The following MAD1L1 variants were observed in gnomAD, a reference collection of about 807,000 sequenced individuals.
MAD1L1 encodes mitotic arrest deficient 1 like 1.
In MAD1L1, 95 loss-of-function variants were observed where a neutral mutation model predicts 96.9. The ratio of observed to expected loss-of-function variants is 0.98; its 90% CI spans 0.83 to 1.16. The LOEUF is 1.16. MAD1L1 is among the 50% of genes most tolerant of loss of function. The pLI is 0.00. For missense variants in MAD1L1, 1,007 were observed against 954.4 expected, an observed-to-expected ratio of 1.06 and a Z score of -0.73; for synonymous variants, 473 against 396.6, an observed-to-expected ratio of 1.19 and a Z score of -2.29.
chr7:2,082,987 G>A (rs1435389988), intron 11 of MAD1L1, among the ~76,000 whole-genome samples: 1 of 152,200 alleles, frequency 6.6e-6, no homozygotes, highest in African/African-American at 2.4e-5. Context: ...CTCTCGCGCT[G>A]CAGGGAGAGC....
intron 12 of MAD1L1, among the ~76,000 whole-genome samples, chr7:2,021,867 C>T (rs376526485): frequency 2.5e-4 from 38 of 152,226 alleles, no homozygotes; most frequent in African/African-American, 8.9e-4. Flanking sequence ...GGTGGATTCT[C>T]CAGAGAATCC....
At chr7:2,042,609 C>T (rs964028604) in intron 12 of MAD1L1, among the ~76,000 whole-genome samples, 3 of 152,094 alleles carry the variant, frequency 2.0e-5, no homozygotes, top group Non-Finnish European at 4.4e-5. Flanking sequence ...ATTATGAGGG[C>T]GGATCCCTCA....
chr7:1,872,997 G>C (rs1407331266), intron 18 of MAD1L1, among the ~76,000 whole-genome samples: 1 of 152,200 alleles, frequency 6.6e-6, no homozygotes, highest in African/African-American at 2.4e-5. Context: ...CCCACTTTGG[G>C]GACTTTATCC....
chr7:2,004,097 G>A (rs1781923241), intron 13 of MAD1L1, among the ~76,000 whole-genome samples: 1 of 152,180 alleles, frequency 6.6e-6, no homozygotes, highest in Admixed American at 6.5e-5. Context: ...GGAGGCAGCT[G>A]CAGTCCACAC....
At chr7:2,090,326 G>A (rs1467943503) in intron 11 of MAD1L1, among the ~76,000 whole-genome samples, 4 of 152,222 alleles carry the variant, frequency 2.6e-5, no homozygotes, top group Non-Finnish European at 5.9e-5. Flanking sequence ...GGGAACTCAG[G>A]CAAGCGTCCT....
chr7:2,092,124 T>C (rs1786246572), intron 11 of MAD1L1, among the ~76,000 whole-genome samples: 1 of 152,228 alleles, frequency 6.6e-6, no homozygotes, highest in Non-Finnish European at 1.5e-5. Flanking sequence ...AGAGTTCCTG[T>C]GGCTCCACGT....
intron 10 of MAD1L1, among the ~76,000 whole-genome samples, chr7:2,184,383 T>C (rs1210114702): frequency 1.3e-5 from 2 of 152,102 alleles, no homozygotes; most frequent in Non-Finnish European, 2.9e-5. Context: ...AAATAAAGGA[T>C]GTTTTAAAAA....
rs1418399248 is a variant in MAD1L1, at chr7:2,030,567, C to T, written c.1219-15925G>A. Among the ~76,000 whole-genome samples, 6 of 152,302 alleles carry T rather than the reference C, an allele frequency of 3.9e-5. No individual in the cohort carries two copies. The South Asian group carries it at 1.0e-3, about 26-fold the overall frequency. On this transcript the variant is annotated intron_variant, in intron 12 of 18. Transcript: ENST00000265854. ...GCAGAGGCCCCTGGGTAAGCCAGGG[C>T]GCCAGTGACAGGTGGCCGGACCCCG... is the stretch of plus-strand genomic sequence containing the variant.
At chr7:2,111,194 C>T (rs2128555945) in intron 11 of MAD1L1, among the ~76,000 whole-genome samples, 1 of 152,334 alleles carries the variant, frequency 6.6e-6, no homozygotes, top group South Asian at 2.1e-4. Flanking sequence ...CCGCCCCTCG[C>T]TCCCCCCACA....
chr7:2,059,648 G>A (rs1227414699), intron 12 of MAD1L1, among the ~76,000 whole-genome samples: 2 of 151,384 alleles, frequency 1.3e-5, no homozygotes, highest in Non-Finnish European at 2.9e-5. Context: ...GGCTGGAGAG[G>A]GAGCATGGCC....
intron 17 of MAD1L1, among the ~76,000 whole-genome samples, chr7:1,916,048 C>A (rs957081387): frequency 6.6e-6 from 1 of 152,204 alleles, no homozygotes; most frequent in African/African-American, 2.4e-5. Flanking sequence ...TAACAAGCCA[C>A]GTCGGTGCCC....
At chr7:2,054,883 G>A (rs886492622) in intron 12 of MAD1L1, among the ~76,000 whole-genome samples, 9 of 152,362 alleles carry the variant, frequency 5.9e-5, no homozygotes, top group Non-Finnish European at 1.2e-4. Context: ...GGAGAGCGGG[G>A]AACACATGCG....
chr7:2,009,219 T>A (rs530497213), intron 13 of MAD1L1, among the ~76,000 whole-genome samples: 1 of 152,288 alleles, frequency 6.6e-6, no homozygotes, highest in Admixed American at 6.5e-5. Context: ...GCTATTTTTA[T>A]CCTGAGGTGA....
intron 11 of MAD1L1, among the ~76,000 whole-genome samples, chr7:2,104,232 G>A (rs139278364): frequency 3.5e-4 from 54 of 152,356 alleles, no homozygotes; most frequent in African/African-American, 1.3e-3. Flanking sequence ...AGGCAAGCCC[G>A]GAGTCCCCTG....
chr7:2,063,488 T>C (rs1216143668), intron 12 of MAD1L1, among the ~76,000 whole-genome samples: 1 of 152,156 alleles, frequency 6.6e-6, no homozygotes, highest in Non-Finnish European at 1.5e-5. Context: ...GTTGGGGTGG[T>C]CTCCAAAGTG....
chr7:1,851,319 C>T (rs1206908681), intron 18 of MAD1L1, among the ~76,000 whole-genome samples: 1 of 152,158 alleles, frequency 6.6e-6, no homozygotes, highest in Non-Finnish European at 1.5e-5. Flanking sequence ...ATGGCTGAGC[C>T]CATGGAGAAG....
At chr7:1,902,910 T>C (rs1314548823) in intron 17 of MAD1L1, among the ~76,000 whole-genome samples, 2 of 150,268 alleles carry the variant, frequency 1.3e-5, no homozygotes, top group African/African-American at 5.0e-5. Context: ...TGCAGTGGCC[T>C]ATGGAAGACG....
intron 18 of MAD1L1, among the ~76,000 whole-genome samples, chr7:1,855,630 C>T (rs1033165659): frequency 6.6e-6 from 1 of 152,136 alleles, no homozygotes; most frequent in Admixed American, 6.5e-5. Flanking sequence ...CGGCCTTGTC[C>T]GTGCCCCCTC....
intron 10 of MAD1L1, among the ~76,000 whole-genome samples, chr7:2,177,098 T>C (rs1482501711): frequency 6.6e-6 from 1 of 152,246 alleles, no homozygotes; most frequent in African/African-American, 2.4e-5. Context: ...TATGTTTTAA[T>C]GTCAGGAGAA....
Sources: gnomAD v4.1 joint callset for allele counts (sites outside exome capture counted in the v4.1 genomes callset) on GRCh38, gnomAD v4.1.1 for gene constraint, MANE v1.5 for transcripts, NCBI Gene and HGNC (gene_info 2026-07-23, HGNC 2026-07-21) for gene names.